CHRNA10: variants seen among roughly 807,000 people sequenced by gnomAD.
CHRNA10 encodes neuronal acetylcholine receptor subunit alpha-10.
In CHRNA10, 31 loss-of-function variants were observed where a neutral mutation model predicts 36.0. The observed-to-expected ratio is 0.86, with a 90% confidence interval of 0.65 to 1.16. The LOEUF (loss-of-function observed/expected upper bound fraction) is 1.16, where lower values mean the gene tolerates loss of function less well. CHRNA10 is among the 50% of genes most tolerant of loss of function. CHRNA10 has a pLI of 0.00. For missense variants in CHRNA10, 648 were observed against 640.9 expected, an observed-to-expected ratio of 1.01 and a Z score of -0.12; for synonymous variants, 302 against 287.0, an observed-to-expected ratio of 1.05 and a Z score of -0.53.
At chr11:3,666,616 T>C in intron 4 of CHRNA10, 52 bp from the exon 5 acceptor site, 1 of 1,392,946 alleles carries the variant, frequency 7.2e-7, no homozygotes, top group Non-Finnish European at 9.7e-7. Context: ...CTGTGGTTCC[T>C]GAGCTTCCCA....
At chr11:3,668,987 C>T (rs528436697) in intron 3 of CHRNA10, 98 of 554,920 alleles carry the variant, frequency 1.8e-4, no homozygotes, top group South Asian at 1.7e-3. Context: ...TCCGAGGAGA[C>T]GTTCAGCCTG....
chr11:3,668,772 C>T (rs1213932413), intron 3 of CHRNA10: 1 of 154,176 alleles, frequency 6.5e-6, no homozygotes, highest in Non-Finnish European at 1.4e-5. Context: ...TAGAAGGGCC[C>T]CAGAGAAAAT....
intron 3 of CHRNA10, 29 bp downstream of exon 3, chr11:3,669,165 AAG>A (rs764250037): frequency 2.5e-6 from 4 of 1,599,130 alleles, no homozygotes; most frequent in African/African-American, 2.7e-5. Context: ...AGAGAGGGGT[AAG>A]AGAGAGGAGG....
chr11:3,669,270 AT>A lies in CHRNA10; in HGVS notation c.287del (p.Asn96MetfsTer63). 1 of 1,614,046 alleles carries A rather than the reference AT, an allele frequency of 6.2e-7. No homozygotes were observed. On this transcript the variant is annotated frameshift_variant, in exon 3 of 5. Coordinates refer to ENST00000250699, the MANE Select transcript of CHRNA10 (RefSeq NM_020402.4). LOFTEE classifies it high-confidence loss of function. ...GGATGGCATCCAGGCCACCATAGGC[AT>A]TGGGGTCCCATCGTAGGTAGGCATC... ...WTDAYLRWDP[N>X]AYGGLDAIRI...
Position 3,669,857 on chromosome 11 carries a change from G to A in CHRNA10, c.146C>T (p.Ala49Val). The part of the protein sequence containing the change: ...ANYTSALRPV[A>V]DTDQTLNVTL... ...CACATTCAGAGTCTGGTCTGTGTCT[G>A]CCACAGGTCTCAGGGCACTTGTGTA... The change falls in exon 2 of 5, where the codon GCA becomes GTA. Residue 49 changes from alanine (A) to valine (V), a missense_variant. Physicochemically the swap from Ala to Val is moderately conservative, Grantham distance 64. Coordinates refer to ENST00000250699, the MANE Select transcript of CHRNA10 (RefSeq NM_020402.4). 1 of 1,614,142 alleles carries A rather than the reference G, an allele frequency of 6.2e-7. No homozygotes were observed. Among genetic ancestry groups the A allele is most frequent in the Non-Finnish European group, 8.5e-7 (1 of 1,180,000 alleles).
intron 2 of CHRNA10, 145 bp from the exon 3 acceptor site, chr11:3,669,495 C>T: frequency 9.8e-7 from 1 of 1,017,644 alleles, no homozygotes; most frequent in Middle Eastern, 3.0e-4. Context: ...CCTGACCTTG[C>T]CATGTGACCT....
At position 3,669,792 on chromosome 11, in the gene CHRNA10, G is replaced by A. The variant is rs762043909; in HGVS notation, c.207+4C>T. ...TCCACAGCTGTACCACCACCACAACGCACCATGTCGATGATCTGGGACAGT... is the reference window on the plus strand; with the variant it reads ...TCCACAGCTGTACCACCACCACAACACACCATGTCGATGATCTGGGACAGT... On this transcript the variant is annotated splice_donor_region_variant and intron_variant, in intron 2 of 4. Transcript: ENST00000250699. 3.1e-6 allele frequency: 5 copies of A among 1,613,902 alleles called. No individual in the cohort carries two copies. The highest frequency in any genetic ancestry group is 1.3e-5 in the African/African-American group (1 of 74,874).
In CHRNA10 at chr11:3,669,362, A is replaced by G. The variant is rs2133975694; in HGVS notation, c.208-12T>C. 6.2e-7 allele frequency: 1 copy of G among 1,612,146 alleles called. No homozygotes were observed. The highest frequency in any genetic ancestry group is 1.7e-5 in the Admixed American group (1 of 59,872). Reference sequence around the variant, plus strand: ...TGGTTCCGTTCATCCTAGTGGGGGCAGGGAATGGCAGAGATGTGGACATGT... The same window carrying G: ...TGGTTCCGTTCATCCTAGTGGGGGCGGGGAATGGCAGAGATGTGGACATGT... On this transcript the variant is annotated splice_polypyrimidine_tract_variant and intron_variant, in intron 2 of 4. Transcript: ENST00000250699.
chr11:3,667,453 T>A lies in CHRNA10; in HGVS notation c.674A>T (p.Asp225Val), dbSNP rs1280993820. The A allele has an allele frequency of 6.3e-7, 1 of 1,594,506 alleles. No individual in the cohort carries two copies. The highest frequency in any genetic ancestry group is 8.5e-7 in the Non-Finnish European group (1 of 1,176,130). The change falls in exon 4 of 5, where the codon GAC (aspartate) becomes GTC (valine). Residue 225 changes from aspartate to valine, a missense_variant. Transcript: ENST00000250699. ...GCGCAGCAGCAGCGTGAAGGTGACG[T>A]CGGGGTAGGGCTCGGAGCAGCAGCC... ...TYGCCSEPYPDVTFTLLLRRR... is the reference protein window; with the variant it reads ...TYGCCSEPYPVVTFTLLLRRR...
At chr11:3,666,838 C>T (rs980100339) in intron 4 of CHRNA10, among the ~76,000 whole-genome samples, 1 of 152,186 alleles carries the variant, frequency 6.6e-6, no homozygotes, top group Non-Finnish European at 1.5e-5. Context: ...TCTCAAATAA[C>T]GACGGGCATG....
intron 4 of CHRNA10, among the ~76,000 whole-genome samples, chr11:3,666,916 T>C (rs917798305): frequency 1.3e-5 from 2 of 152,158 alleles, no homozygotes; most frequent in Non-Finnish European, 2.9e-5. Flanking sequence ...CCTAGGTTTG[T>C]GGTGATGCTT....
rs1165822223 is a variant in CHRNA10, at chr11:3,669,177, G to T, written c.362+19C>A. 6.2e-7 allele frequency: 1 copy of T among 1,605,948 alleles called. No individual in the cohort carries two copies. Among genetic ancestry groups the T allele is most frequent in the Non-Finnish European group, 8.5e-7 (1 of 1,175,894 alleles). On this transcript the variant is annotated intron_variant, in intron 3 of 4. Coordinates refer to ENST00000250699, the MANE Select transcript of CHRNA10 (RefSeq NM_020402.4). ...TCTAGAGAGGGGTAAGAGAGAGGAG[G>T]GGCCCAGATAGGCAGTACTTGTTAT...
chr11:3,670,005 C>A, intron 1 of CHRNA10, 64 bp from the exon 2 acceptor site: 1 of 1,583,786 alleles, frequency 6.3e-7, no homozygotes, highest in South Asian at 1.1e-5. Context: ...TGCTCACACC[C>A]TCCACTCCCA....
chr11:3,666,917 G>A (rs2077666734), intron 4 of CHRNA10, among the ~76,000 whole-genome samples: 1 of 152,176 alleles, frequency 6.6e-6, no homozygotes, highest in Non-Finnish European at 1.5e-5. Context: ...CTAGGTTTGT[G>A]GTGATGCTTA....
rs747340658 is a variant in CHRNA10, at chr11:3,667,568, G to A, written c.559C>T (p.Arg187Cys). ...HGGHQLDVRP[R>C]GAAASLADFV... ...TCCGCCAGGCTGGCTGCAGCGCCGCGCGGCCGCACATCCAGTTGGTGCCCG... is the reference window on the plus strand; with the variant it reads ...TCCGCCAGGCTGGCTGCAGCGCCGCACGGCCGCACATCCAGTTGGTGCCCG... The change falls in exon 4 of 5, where the codon CGC becomes TGC. Residue 187 changes from arginine to cysteine, a missense_variant. Arg to Cys is a radical substitution (Grantham distance 180). Transcript: ENST00000250699. 18 of 1,559,618 alleles carry A rather than the reference G, an allele frequency of 1.2e-5. No individual in the cohort carries two copies. The Admixed American group carries it at 1.7e-4, about 14-fold the overall frequency.
Position 3,667,341 on chromosome 11 carries a change from G to A in CHRNA10, c.786C>T (p.Ala262=), listed in dbSNP as rs1461950576. 6.2e-6 allele frequency: 10 copies of A among 1,600,834 alleles called. No individual in the cohort carries two copies. The highest frequency in any genetic ancestry group is 1.7e-5 in the Admixed American group (1 of 59,732). Residue 262 remains alanine (A), a synonymous_variant, in exon 4 of 5, where the codon GCC becomes GCT. Coordinates refer to ENST00000250699, the MANE Select transcript of CHRNA10 (RefSeq NM_020402.4). ...LLAPLAFHLP[A]DSGEKVSLGV... The stretch of plus-strand genomic sequence containing the variant: ...CCAGCGACACCTTCTCGCCTGAGTC[G>A]GCAGGCAGGTGGAAGGCGAGCGGCG...
Position 3,666,577 on chromosome 11 carries a change from G to T in CHRNA10, c.896-13C>A. The T allele has an allele frequency of 1.3e-6, 2 of 1,515,200 alleles. No individual in the cohort carries two copies. The highest frequency in any genetic ancestry group is 1.3e-5 in the South Asian group (1 of 75,322). The allele number at this position is 1,515,200 out of a possible 1,614,324, so 93.9% of individuals were successfully genotyped here. ...ATGTAGTACTTCCCTGCAAGAGAGA[G>T]AGAAAGCCAATTGACTCAAAACAAA... On this transcript the variant is annotated splice_polypyrimidine_tract_variant and intron_variant, in intron 4 of 4. Coordinates refer to ENST00000250699, the MANE Select transcript of CHRNA10 (RefSeq NM_020402.4).
chr11:3,669,342 C>T lies in CHRNA10; in HGVS notation c.216G>A (p.Arg72=). The stretch of plus-strand genomic sequence containing the variant: ...ACAGATACAGGGTCAGCACCTGGTT[C>T]CGTTCATCCTAGTGGGGGCAGGGAA... ...TLSQIIDMDE[R]NQVLTLYLWI... Residue 72 remains arginine, a synonymous_variant, in exon 3 of 5, where the codon CGG becomes CGA. Coordinates refer to ENST00000250699, the MANE Select transcript of CHRNA10 (RefSeq NM_020402.4). 6.2e-7 allele frequency: 1 copy of T among 1,613,638 alleles called. No homozygotes were observed. Among genetic ancestry groups the T allele is most frequent in the Non-Finnish European group, 8.5e-7 (1 of 1,179,736 alleles).
chr11:3,671,142 A>G (rs2077710864), intron 1 of CHRNA10, 110 bp downstream of exon 1: 13 of 1,129,818 alleles, frequency 1.2e-5, no homozygotes, highest in Non-Finnish European at 1.7e-5. Flanking sequence ...TTGTTCTCAG[A>G]ACAGGTACTG....
Sources: allele counts gnomAD v4.1 joint callset (sites outside exome capture counted in the v4.1 genomes callset), GRCh38; gene constraint gnomAD v4.1.1; transcripts MANE v1.5; gene names NCBI Gene and HGNC (gene_info 2026-07-23, HGNC 2026-07-21).